GPR158: variants seen among roughly 807,000 people sequenced by gnomAD.
GPR158 encodes the protein metabotropic glycine receptor.
Under a neutral mutation model 78.2 loss-of-function variants are expected in GPR158, and 30 were observed. The observed-to-expected ratio is 0.38, with a 90% CI of 0.29 to 0.52. The LOEUF (loss-of-function observed/expected upper bound fraction) is 0.52, where lower values mean the gene tolerates loss of function less well. Among genes scored for constraint, GPR158 ranks in the 20% least tolerant of loss-of-function variants. GPR158 has a pLI of 0.83. For missense variants in GPR158, 1,463 were observed against 1,523.5 expected (o/e 0.96, Z 0.66); for synonymous variants, 581 against 591.1 (o/e 0.98, Z 0.25).
rs547118550 is a variant in GPR158, at chr10:25,192,786, TA to T, written c.902+16473del. ...TAATAAAAAAAAGGTAGAAAAATGA[TA>T]AAAAAAAATAAAAATCGAATTCATC... On this transcript the variant is annotated intron_variant, in intron 1 of 10. Transcript: ENST00000376351. Among the ~76,000 whole-genome samples, 1,277 of 148,516 alleles carry T rather than the reference TA, an allele frequency of 8.6e-3. 13 individuals carry two copies. The highest frequency in any genetic ancestry group is 0.027 in the African/African-American group (1,092 of 40,444).
intron 2 of GPR158, among the ~76,000 whole-genome samples, chr10:25,322,387 A>G (rs948078767): frequency 2.6e-5 from 4 of 152,080 alleles, no homozygotes; most frequent in Non-Finnish European, 5.9e-5. Flanking sequence ...TCTCAAAAAA[A>G]AAAAGAAAAA....
At chr10:25,281,050 G>T (rs907893768) in intron 2 of GPR158, among the ~76,000 whole-genome samples, 1 of 150,920 alleles carries the variant, frequency 6.6e-6, no homozygotes, top group African/African-American at 2.4e-5. Context: ...CACAAGAATC[G>T]CTTGAACCTT....
At chr10:25,538,137 A>G (rs1222895971) in intron 5 of GPR158, among the ~76,000 whole-genome samples, 1 of 152,170 alleles carries the variant, frequency 6.6e-6, no homozygotes, top group Non-Finnish European at 1.5e-5. Context: ...TTTCTCTCAG[A>G]GGCACATGCA....
intron 2 of GPR158, among the ~76,000 whole-genome samples, chr10:25,297,050 AG>A (rs1854525189): frequency 6.6e-6 from 1 of 152,220 alleles, no homozygotes; most frequent in African/African-American, 2.4e-5. Flanking sequence ...AGGTAGCAAA[AG>A]GCTGGCACTC....
At chr10:25,234,619 A>G (rs1455011288) in intron 2 of GPR158, among the ~76,000 whole-genome samples, 1 of 152,230 alleles carries the variant, frequency 6.6e-6, no homozygotes, top group Non-Finnish European at 1.5e-5. Flanking sequence ...AAAATCATTT[A>G]CATGCCAAGG....
chr10:25,531,510 A>G (rs1338374743), intron 5 of GPR158, among the ~76,000 whole-genome samples: 1 of 152,094 alleles, frequency 6.6e-6, no homozygotes, highest in Non-Finnish European at 1.5e-5. Flanking sequence ...CTAGATATTT[A>G]TTTTCAGCCC....
intron 1 of GPR158, among the ~76,000 whole-genome samples, chr10:25,214,288 C>T (rs1442807119): frequency 1.3e-5 from 2 of 152,144 alleles, no homozygotes; most frequent in Non-Finnish European, 2.9e-5. Context: ...GCCACCACGC[C>T]TGGCCGAGTC....
intron 4 of GPR158, among the ~76,000 whole-genome samples, chr10:25,430,471 G>C (rs4431924): frequency 6.9e-6 from 1 of 145,122 alleles, no homozygotes; most frequent in Non-Finnish European, 1.5e-5. Context: ...CATCCCCATC[G>C]AGCTACCAAT....
chr10:25,207,937 A>G lies in GPR158; in HGVS notation c.903-13115A>G, dbSNP rs369786590. Among the ~76,000 whole-genome samples, 12 of 152,142 alleles carry G rather than the reference A, an allele frequency of 7.9e-5. No individual in the cohort carries two copies. In the East Asian group the frequency reaches 1.2e-3, roughly 15 times the overall value. Reference sequence around the variant, plus strand: ...GGTATATTGGTTAGCTGCTTTTGATATTATTTTACTCTTATGCTATCATTA... The same window carrying G: ...GGTATATTGGTTAGCTGCTTTTGATGTTATTTTACTCTTATGCTATCATTA... On this transcript the variant is annotated intron_variant, in intron 1 of 10. Coordinates refer to ENST00000376351, the MANE Select transcript of GPR158 (RefSeq NM_020752.3).
chr10:25,432,152 C>G (rs1014055086), intron 4 of GPR158, among the ~76,000 whole-genome samples: 3 of 152,246 alleles, frequency 2.0e-5, no homozygotes, highest in Non-Finnish European at 4.4e-5. Context: ...AAACAAACCT[C>G]TTAGGAATCA....
At chr10:25,379,145 C>G (rs1834122714) in intron 2 of GPR158, among the ~76,000 whole-genome samples, 1 of 152,146 alleles carries the variant, frequency 6.6e-6, no homozygotes, top group Non-Finnish European at 1.5e-5. Flanking sequence ...ATCCATGAGA[C>G]ATTATTATTA....
At chr10:25,395,885 A>G (rs774755368) in intron 2 of GPR158, 26 bp from the exon 3 acceptor site, 12 of 1,112,180 alleles carry the variant, frequency 1.1e-5, no homozygotes, top group Non-Finnish European at 1.5e-5. Context: ...ATGATCAACT[A>G]TGTTGCTGTC....
chr10:25,537,701 G>A (rs920984796), intron 5 of GPR158, among the ~76,000 whole-genome samples: 1 of 152,134 alleles, frequency 6.6e-6, no homozygotes, highest in African/African-American at 2.4e-5. Flanking sequence ...AATCCCCAGT[G>A]TTGGAGGAGG....
At chr10:25,512,558 G>C (rs759042290) in intron 5 of GPR158, among the ~76,000 whole-genome samples, 103 of 152,086 alleles carry the variant, frequency 6.8e-4, no homozygotes, top group Non-Finnish European at 9.7e-4. Flanking sequence ...AGGACTTCCA[G>C]TACTATGTTG....
At chr10:25,420,701 A>G (rs989901285) in intron 4 of GPR158, among the ~76,000 whole-genome samples, 2 of 152,132 alleles carry the variant, frequency 1.3e-5, no homozygotes, top group Non-Finnish European at 2.9e-5. Context: ...AGTTTTCCCA[A>G]CACCATTTGT....
chr10:25,538,322 TC>T (rs1215273040), intron 5 of GPR158, among the ~76,000 whole-genome samples: 7 of 152,174 alleles, frequency 4.6e-5, no homozygotes, highest in Non-Finnish European at 1.0e-4. Flanking sequence ...GAACAGACAT[TC>T]CAGGATATTT....
intron 1 of GPR158, among the ~76,000 whole-genome samples, chr10:25,182,691 T>A (rs930593435): frequency 1.3e-5 from 2 of 152,232 alleles, no homozygotes; most frequent in Non-Finnish European, 2.9e-5. Flanking sequence ...ATTTTAAGGC[T>A]ACCCTTTTTC....
intron 1 of GPR158, among the ~76,000 whole-genome samples, chr10:25,194,408 G>A (rs941982843): frequency 1.3e-5 from 2 of 152,174 alleles, no homozygotes; most frequent in African/African-American, 2.4e-5. Flanking sequence ...GCGTGGTGGT[G>A]CATGCCTGTA....
At chr10:25,428,202 G>A (rs960107198) in intron 4 of GPR158, among the ~76,000 whole-genome samples, 1 of 151,984 alleles carries the variant, frequency 6.6e-6, no homozygotes, top group Non-Finnish European at 1.5e-5. Context: ...CTATTGAACA[G>A]TACTACTATT....
Sources: gnomAD v4.1 joint callset for allele counts (sites outside exome capture counted in the v4.1 genomes callset) on GRCh38, gnomAD v4.1.1 for gene constraint, MANE v1.5 for transcripts, NCBI Gene and HGNC (gene_info 2026-07-23, HGNC 2026-07-21) for gene names.